PNPLA8: variants seen among roughly 807,000 people sequenced by gnomAD.
PNPLA8 encodes patatin like domain 8, phospholipase A2, also known as calcium-independent phospholipase A2-gamma.
In PNPLA8, 39 loss-of-function variants were observed where a neutral mutation model predicts 76.9. That is an observed-to-expected ratio of 0.51 (90% CI 0.39 to 0.66). The LOEUF is 0.66. Among genes scored for constraint, PNPLA8 ranks in the 30% least tolerant of loss-of-function variants. The pLI, the probability that PNPLA8 is intolerant of heterozygous loss-of-function variation, is 0.00. For missense variants in PNPLA8, 887 were observed against 918.0 expected (o/e 0.97, Z 0.44); for synonymous variants, 301 against 307.9 (o/e 0.98, Z 0.24).
At chr7:108,510,357 G>A (rs1477995355) in intron 4 of PNPLA8, 8 of 1,569,636 alleles carry the variant, frequency 5.1e-6, no homozygotes, top group Middle Eastern at 1.7e-4. Context: ...AAGATGCTTC[G>A]AAAGGCAAGG....
chr7:108,524,838 T>TA (rs1554691491), intron 1 of PNPLA8, among the ~76,000 whole-genome samples: 3 of 152,130 alleles, frequency 2.0e-5, no homozygotes, highest in Non-Finnish European at 4.4e-5. Context: ...GGAAGGTGTC[T>TA]ATGGCTCAGC....
intron 4 of PNPLA8, among the ~76,000 whole-genome samples, chr7:108,513,202 A>G (rs2154516600): frequency 6.6e-6 from 1 of 152,324 alleles, no homozygotes; most frequent in African/African-American, 2.4e-5. Flanking sequence ...CTTTGCTTTC[A>G]GTATATCACT....
At chr7:108,472,797 T>A (rs1453267967) in intron 10 of PNPLA8, 122 bp from the exon 11 acceptor site, 1 of 604,780 alleles carries the variant, frequency 1.7e-6, no homozygotes, top group Non-Finnish European at 2.7e-6. Context: ...AAAGATTCAC[T>A]AATTTCATTA....
At position 108,491,462 on chromosome 7, in the gene PNPLA8, C is replaced by G. The variant is rs775654542; in HGVS notation, c.1631G>C (p.Arg544Thr). 2 of 1,596,436 alleles carry G rather than the reference C, an allele frequency of 1.3e-6. No individual in the cohort carries two copies. The highest frequency in any genetic ancestry group is 4.5e-5 in the East Asian group (2 of 44,770). Residue 544 changes from arginine (R) to threonine (T), a missense_variant, in exon 8 of 11, where the codon AGG (arginine) becomes ACG (threonine). Coordinates refer to ENST00000257694, the MANE Select transcript of PNPLA8 (RefSeq NM_001256007.3). ...SQTWENILKD[R>T]MGSALMIETA... ...TTCAATCATCAGTGCAGATCCCATC[C>G]TATCCCTTTATTAAAGGAGAAAAAA... is the stretch of plus-strand genomic sequence containing the variant.
chr7:108,472,691 A>T lies in PNPLA8; in HGVS notation c.2075-16T>A. On this transcript the variant is annotated splice_polypyrimidine_tract_variant and intron_variant, in intron 10 of 10. Coordinates refer to ENST00000257694, the MANE Select transcript of PNPLA8 (RefSeq NM_001256007.3). ...ATATGGACTTCTGTTAAAGCAAAAA[A>T]GAAAAGGATAAGGGGATAAGAAAAG... The T allele has an allele frequency of 6.5e-7, 1 of 1,549,768 alleles. No individual in the cohort carries two copies. The highest frequency in any genetic ancestry group is 2.3e-5 in the East Asian group (1 of 44,164).
At chr7:108,516,877 G>A (rs1273863230) in intron 2 of PNPLA8, among the ~76,000 whole-genome samples, 1 of 151,918 alleles carries the variant, frequency 6.6e-6, no homozygotes, top group Non-Finnish European at 1.5e-5. Flanking sequence ...ACTCCAGCCT[G>A]GGTGATAGAG....
chr7:108,524,203 G>A (rs186484836), intron 1 of PNPLA8, among the ~76,000 whole-genome samples: 159 of 152,286 alleles, frequency 1.0e-3, no homozygotes, highest in African/African-American at 3.8e-3. Context: ...TTGGGATCAG[G>A]CAACCTGAGT....
chr7:108,489,934 A>G (rs1291531418), intron 8 of PNPLA8, among the ~76,000 whole-genome samples: 1 of 152,244 alleles, frequency 6.6e-6, no homozygotes, highest in Non-Finnish European at 1.5e-5. Context: ...TGACATTACA[A>G]TTTTAATGGG....
chr7:108,526,636 C>T (rs1037161289), upstream of PNPLA8, among the ~76,000 whole-genome samples: 1 of 152,178 alleles, frequency 6.6e-6, no homozygotes, highest in Non-Finnish European at 1.5e-5. Flanking sequence ...CGGCCGCGCC[C>T]CTTTCTCTAT....
intron 2 of PNPLA8, among the ~76,000 whole-genome samples, chr7:108,517,559 T>C (rs970526150): frequency 3.3e-5 from 5 of 152,208 alleles, no homozygotes; most frequent in African/African-American, 4.8e-5. Context: ...GGTATGTGTA[T>C]GTGCCACAGA....
intron 4 of PNPLA8, among the ~76,000 whole-genome samples, chr7:108,505,300 T>TTATATATA (rs1252347556): frequency 4.4e-4 from 12 of 27,580 alleles, no homozygotes; most frequent in South Asian, 2.0e-3. Flanking sequence ...ACAAGAAAAT[T>TTATATATA]TATATATATA....
chr7:108,491,965 T>C (rs768907186), intron 7 of PNPLA8, among the ~76,000 whole-genome samples: 3 of 152,160 alleles, frequency 2.0e-5, no homozygotes, highest in Non-Finnish European at 4.4e-5. Flanking sequence ...TAACAGCCAA[T>C]GTCATCAAGA....
chr7:108,517,741 C>T (rs1863443290), intron 2 of PNPLA8, among the ~76,000 whole-genome samples: 1 of 152,088 alleles, frequency 6.6e-6, no homozygotes, highest in South Asian at 2.1e-4. Context: ...AACTGGGGAG[C>T]TTACATATAT....
Position 108,472,514 on chromosome 7 carries a change from T to C in PNPLA8, c.2236A>G (p.Lys746Glu), listed in dbSNP as rs1181879668. ...TGACTTAATATTTTTGCAACTTTTT[T>C]CATTTTTTGTTCATTTCTTTCTATG... ...KYIERNEQKM[K>E]KVAKILSQEK... The change falls in exon 11 of 11, where the codon AAA (lysine) becomes GAA (glutamate). Residue 746 changes from lysine (K) to glutamate (E), a missense_variant. Lys to Glu is a moderately conservative substitution (Grantham distance 56, BLOSUM62 1). Transcript: ENST00000257694. The C allele has an allele frequency of 1.2e-6, 2 of 1,610,532 alleles. No individual in the cohort carries two copies. Among genetic ancestry groups the C allele is most frequent in the South Asian group, 2.2e-5 (2 of 89,664 alleles).
chr7:108,505,315 TATATATATATATATATATATATATATA>T (rs1862270287), intron 4 of PNPLA8, among the ~76,000 whole-genome samples: 1 of 3,310 alleles, frequency 3.0e-4, no homozygotes, highest in African/African-American at 1.3e-3. Context: ...TATATATATA[TATATATATATATATATATATATATATA>T]TATATATATA....
In PNPLA8 at chr7:108,472,849, C is replaced by G. The variant is rs1489421348; in HGVS notation, c.2075-174G>C. Among the ~76,000 whole-genome samples the G allele has an allele frequency of 2.6e-5, 4 of 152,276 alleles. No individual in the cohort carries two copies. The East Asian group carries it at 7.7e-4, about 29-fold the overall frequency. ...AAGTAATCCATAATAATGGGTAAAA[C>G]TATAAGATAAAATTCATCTTCCAAA... On this transcript the variant is annotated intron_variant, in intron 10 of 10. Transcript: ENST00000257694.
chr7:108,525,951 C>T (rs1371475889), intron 1 of PNPLA8, 78 bp downstream of exon 1: 2 of 642,524 alleles, frequency 3.1e-6, no homozygotes, highest in East Asian at 2.7e-4. Flanking sequence ...GAAAGGACGA[C>T]CCGGAGCGCC....
rs1863174361 is a variant in PNPLA8 at position 108,514,638 on chromosome 7, T to C, written c.854A>G (p.Gln285Arg). The stretch of plus-strand genomic sequence containing the variant: ...ACGAGAAAGAAAGTTAGCAATACTT[T>C]GTTTAGTTGAAACTTGAAGAACATC... The part of the protein sequence containing the change: ...IPDVLQVSTK[Q>R]SIANFLSRPT... The change falls in exon 3 of 11, where the codon CAA becomes CGA. Residue 285 changes from glutamine (Q) to arginine (R), a missense_variant. Gln to Arg is a conservative substitution (Grantham distance 43, BLOSUM62 1). Transcript: ENST00000257694. 1.2e-6 allele frequency: 2 copies of C among 1,613,916 alleles called. No individual in the cohort carries two copies. The highest frequency in any genetic ancestry group is 8.5e-7 in the Non-Finnish European group (1 of 1,179,908).
intron 9 of PNPLA8, among the ~76,000 whole-genome samples, chr7:108,485,298 G>T (rs899960671): frequency 6.6e-6 from 1 of 152,106 alleles, no homozygotes; most frequent in Non-Finnish European, 1.5e-5. Context: ...TACTCACAAA[G>T]AATTCTTCTC....
Sources: gnomAD v4.1 joint callset for allele counts (sites outside exome capture counted in the v4.1 genomes callset) on GRCh38, gnomAD v4.1.1 for gene constraint, MANE v1.5 for transcripts, NCBI Gene and HGNC (gene_info 2026-07-23, HGNC 2026-07-21) for gene names.